Variants in SMAD2 observed in about 807,000 individuals in gnomAD.
The protein encoded by SMAD2 is SMAD family member 2.
A neutral mutation model predicts 64.4 loss-of-function variants in SMAD2; 8 were observed. That is an observed-to-expected ratio of 0.12 (90% CI 0.07 to 0.22). The LOEUF is 0.22. Ranked by LOEUF, SMAD2 falls within the 10% of genes least tolerant of loss-of-function variation. The pLI is 1.00. For missense variants in SMAD2, 289 were observed against 561.2 expected (o/e 0.51, Z 4.90); for synonymous variants, 203 against 195.8 (o/e 1.04, Z -0.31).
chr18:47,840,325 A>C lies in SMAD2; in HGVS notation c.*1502T>G, dbSNP rs1224707389. ...TTTCCATTTCTACTAAGATGCAAAC[A>C]AGAAGAAATGTTTAAACTGCAATGA... On this transcript the variant is annotated 3_prime_UTR_variant, in exon 11 of 11. Transcript: ENST00000262160. 1 of 232,860 alleles carries C rather than the reference A, an allele frequency of 4.3e-6. No homozygotes were observed. Among genetic ancestry groups the C allele is most frequent in the Non-Finnish European group, 8.5e-6 (1 of 117,882 alleles). The allele number at this position is 232,860 out of a possible 1,614,324, so 14.4% of individuals were successfully genotyped here. A position where few individuals can be genotyped will look rare whatever the true frequency, so the allele number is the denominator to read the frequency against.
At chr18:47,842,894 A>C (rs1914107645) in intron 10 of SMAD2, among the ~76,000 whole-genome samples, 1 of 152,232 alleles carries the variant, frequency 6.6e-6, no homozygotes. Flanking sequence ...CGCTGATTTT[A>C]GTTCCATCTT....
intron 2 of SMAD2, among the ~76,000 whole-genome samples, chr18:47,885,588 GTTGGTC>G (rs1286446671): frequency 6.6e-6 from 1 of 152,108 alleles, no homozygotes; most frequent in Non-Finnish European, 1.5e-5. Flanking sequence ...GGAATACATG[GTTGGTC>G]TCTGTATATG....
intron 8 of SMAD2, among the ~76,000 whole-genome samples, chr18:47,846,940 T>C (rs931098857): frequency 3.9e-5 from 6 of 152,134 alleles, no homozygotes; most frequent in African/African-American, 1.4e-4. Flanking sequence ...GGTGGTTCTG[T>C]TAAGACTATG....
rs564900704 is a variant in SMAD2, at chr18:47,821,635, C to T, written c.*20192G>A. The T allele has an allele frequency of 6.6e-6, 1 of 152,302 alleles. No individual in the cohort carries two copies. Among genetic ancestry groups the T allele is most frequent in the East Asian group, 1.9e-4 (1 of 5,188 alleles). 9.4% of individuals were successfully genotyped at this position (152,302 alleles called of 1,614,324 possible). ...GTACCTTTTCATCAGATTCAACTTT[C>T]AGTATATCCAAATAGGCTTCCCATA... On this transcript the variant is annotated 3_prime_UTR_variant, in exon 11 of 11. Transcript: ENST00000262160.
In SMAD2 at chr18:47,836,126, T is replaced by G; in HGVS notation, c.*5701A>C. The G allele has an allele frequency of 4.6e-6, 1 of 218,594 alleles. No individual in the cohort carries two copies. The highest frequency in any genetic ancestry group is 9.2e-6 in the Non-Finnish European group (1 of 108,848). 13.5% of individuals were successfully genotyped at this position (218,594 alleles called of 1,614,324 possible). On this transcript the variant is annotated 3_prime_UTR_variant, in exon 11 of 11. Coordinates refer to ENST00000262160, the MANE Select transcript of SMAD2 (RefSeq NM_005901.6). ...TGGGTCAAGGATGGCCCAGAGAATC[T>G]TGGAAAATCCATTTATATTGAGCAA...
At chr18:47,930,785 G>C (rs894549882), upstream of SMAD2, 1 of 146,932 alleles carries the variant, frequency 6.8e-6, no homozygotes, top group Admixed American at 6.8e-5. Flanking sequence ...GGCCGCCGCG[G>C]CGCCACGCAC....
chr18:47,891,386 G>A (rs375627028), intron 2 of SMAD2, among the ~76,000 whole-genome samples: 11 of 152,136 alleles, frequency 7.2e-5, no homozygotes, highest in African/African-American at 1.9e-4. Context: ...TGAGGAACTA[G>A]TAATACAACG....
At chr18:47,850,665 C>T (rs753714273) in intron 7 of SMAD2, among the ~76,000 whole-genome samples, 1,392 of 10,018 alleles carry the variant, frequency 0.14, 218 homozygotes, top group Middle Eastern at 0.25. Context: ...ATATTATATA[C>T]TATATATATA....
rs1912306774 is a variant in SMAD2 at position 47,814,532 on chromosome 18, G to T, written c.*27295C>A. On this transcript the variant is annotated 3_prime_UTR_variant, in exon 11 of 11. Coordinates refer to ENST00000262160, the MANE Select transcript of SMAD2 (RefSeq NM_005901.6). ...TAGGCAGGAGTGGAATGACTCCCAG[G>T]GCAGGGAGAGATTGATTGAGATTGC... 1 of 152,192 alleles carries T rather than the reference G, an allele frequency of 6.6e-6. No homozygotes were observed. The highest frequency in any genetic ancestry group is 1.5e-5 in the Non-Finnish European group (1 of 68,034). The allele number at this position is 152,192 out of a possible 1,614,324, so 9.4% of individuals were successfully genotyped here.
In SMAD2 at chr18:47,823,593, G is replaced by A. The variant is rs1271357577; in HGVS notation, c.*18234C>T. The A allele has an allele frequency of 6.6e-6, 1 of 152,090 alleles. No individual in the cohort carries two copies. Among genetic ancestry groups the A allele is most frequent in the African/African-American group, 2.4e-5 (1 of 41,396 alleles). 9.4% of individuals were successfully genotyped at this position (152,090 alleles called of 1,614,324 possible). ...GGAGCAAGTCTCATGCTGATGTATG[G>A]GTCACACAAAAGTTCACCATACCAA... On this transcript the variant is annotated 3_prime_UTR_variant, in exon 11 of 11. Transcript: ENST00000262160.
chr18:47,849,760 C>A (rs890299679), intron 7 of SMAD2, among the ~76,000 whole-genome samples: 3 of 152,056 alleles, frequency 2.0e-5, no homozygotes, highest in Non-Finnish European at 4.4e-5. Flanking sequence ...GTAATCCCAG[C>A]ACTTTAGGAG....
chr18:47,887,748 C>T (rs894203093), intron 2 of SMAD2, among the ~76,000 whole-genome samples: 1 of 152,150 alleles, frequency 6.6e-6, no homozygotes, highest in South Asian at 2.1e-4. Context: ...ACTTTTTAGG[C>T]TTTTTCAGAT....
At chr18:47,851,445 C>T in intron 6 of SMAD2, 118 bp from the exon 7 acceptor site, 1 of 670,782 alleles carries the variant, frequency 1.5e-6, no homozygotes. Context: ...AATTTAAATA[C>T]CAAGAATTCA....
intron 5 of SMAD2, chr18:47,866,741 T>C (rs1270978977): frequency 6.6e-6 from 1 of 152,204 alleles, no homozygotes. Flanking sequence ...GAATAAAATG[T>C]GAACCCTTTG....
At chr18:47,916,031 G>A (rs2034321801) in intron 1 of SMAD2, among the ~76,000 whole-genome samples, 1 of 152,046 alleles carries the variant, frequency 6.6e-6, no homozygotes, top group African/African-American at 2.4e-5. Context: ...TTATCATATG[G>A]CCTTTCTCCT....
chr18:47,829,691 CA>C lies in SMAD2; in HGVS notation c.*12135del, dbSNP rs1485863191. On this transcript the variant is annotated 3_prime_UTR_variant, in exon 11 of 11. Transcript: ENST00000262160. Reference sequence around the variant, plus strand: ...AGGCAGTATGAAGTAGACACTTTGGCAAATAAAAACTGCACCGTATGACATG... The same window carrying C: ...AGGCAGTATGAAGTAGACACTTTGGCAATAAAAACTGCACCGTATGACATG... 1 of 152,130 alleles carries C rather than the reference CA, an allele frequency of 6.6e-6. No homozygotes were observed. The highest frequency in any genetic ancestry group is 1.5e-5 in the Non-Finnish European group (1 of 68,030). 9.4% of individuals were successfully genotyped at this position (152,130 alleles called of 1,614,324 possible).
intron 6 of SMAD2, chr18:47,853,226 A>G: frequency 8.7e-6 from 2 of 229,062 alleles, no homozygotes; most frequent in Non-Finnish European, 1.6e-5. Flanking sequence ...GCTACTCGGA[A>G]GGCTAAGGCA....
intron 1 of SMAD2, among the ~76,000 whole-genome samples, chr18:47,901,356 C>A (rs2033678338): frequency 6.6e-6 from 1 of 152,076 alleles, no homozygotes; most frequent in Non-Finnish European, 1.5e-5. Flanking sequence ...GGATGGTATA[C>A]CTTTTCGCAT....
At chr18:47,919,953 T>C (rs2034498209) in intron 1 of SMAD2, 1 of 152,276 alleles carries the variant, frequency 6.6e-6, no homozygotes, top group Admixed American at 6.5e-5. Context: ...CACATATTGT[T>C]AAATTTTCTA....
Sources: gnomAD v4.1 joint callset for allele counts (sites outside exome capture counted in the v4.1 genomes callset) on GRCh38, gnomAD v4.1.1 for gene constraint, MANE v1.5 for transcripts, NCBI Gene and HGNC (gene_info 2026-07-23, HGNC 2026-07-21) for gene names.